The following CRYGN variants were observed in gnomAD, a reference collection of about 807,000 sequenced individuals.
CRYGN encodes gamma-crystallin N.
Under a neutral mutation model 19.2 loss-of-function variants are expected in CRYGN, and 17 were observed. The ratio of observed to expected loss-of-function variants is 0.89; its 90% confidence interval spans 0.61 to 1.33. The LOEUF (loss-of-function observed/expected upper bound fraction) is 1.33. Ranked by LOEUF, CRYGN falls within the 40% of genes most tolerant of loss-of-function variation. The pLI is 0.00. For synonymous variants in CRYGN, 84 were observed against 85.8 expected (o/e 0.98, Z 0.12); for missense variants, 239 against 239.6 (o/e 1.00, Z 0.02).
Position 151,435,207 on chromosome 7 carries a change from G to A in CRYGN, c.416+973C>T, listed in dbSNP as rs975461081. Among the ~76,000 whole-genome samples, 1 of 152,184 alleles carries A rather than the reference G, an allele frequency of 6.6e-6. No individual in the cohort carries two copies. The highest frequency in any genetic ancestry group is 2.4e-5 in the African/African-American group (1 of 41,440). On this transcript the variant is annotated intron_variant, in intron 3 of 3. Coordinates refer to ENST00000337323, the MANE Select transcript of CRYGN (RefSeq NM_144727.3). This position sits in a 1 kb window ranked among gnomAD's most constrained non-coding sequence, Gnocchi z 4.2. ...TCCTCAATTGCTTCGATAGGCGCCAGAACCATGCACAGCCAGCTGGAACCT... is the reference window on the plus strand; with the variant it reads ...TCCTCAATTGCTTCGATAGGCGCCAAAACCATGCACAGCCAGCTGGAACCT...
chr7:151,431,976 C>T lies in CRYGN; in HGVS notation c.417-1796G>A, dbSNP rs1016766528. ...GTCCCTGGGAGTCCGGGAAAGCGCCCTGGATCATCCAGCTCCTCCCAGGGC... is the reference window on the plus strand; with the variant it reads ...GTCCCTGGGAGTCCGGGAAAGCGCCTTGGATCATCCAGCTCCTCCCAGGGC... On this transcript the variant is annotated intron_variant, in intron 3 of 3. Coordinates refer to ENST00000337323, the MANE Select transcript of CRYGN (RefSeq NM_144727.3). This position sits in a 1 kb window ranked among gnomAD's most constrained non-coding sequence, Gnocchi z 4.8. The T allele has an allele frequency of 1.0e-5, 4 of 384,588 alleles. No homozygotes were observed. The highest frequency in any genetic ancestry group is 1.8e-5 in the Non-Finnish European group (4 of 218,106). The allele number at this position is 384,588 out of a possible 1,614,324, so 23.8% of individuals were successfully genotyped here. A position where few individuals can be genotyped will look rare whatever the true frequency, so the allele number is the denominator to read the frequency against.
intron 1 of CRYGN, 92 bp from the exon 2 acceptor site, chr7:151,438,336 C>G: frequency 1.5e-6 from 2 of 1,339,212 alleles, no homozygotes; most frequent in African/African-American, 1.5e-5. Flanking sequence ...CTGGATGGAA[C>G]CCCTACTCCC....
rs1801465948 is a variant in CRYGN at position 151,431,577 on chromosome 7, C to A, written c.417-1397G>T. Among the ~76,000 whole-genome samples, 1 of 152,266 alleles carries A rather than the reference C, an allele frequency of 6.6e-6. No individual in the cohort carries two copies. Among genetic ancestry groups the A allele is most frequent in the East Asian group, 1.9e-4 (1 of 5,162 alleles). The stretch of plus-strand genomic sequence containing the variant: ...CAGACACGCCCCATGCCCCTTTCTC[C>A]CCGAAAGCCCCTCCATTCCCACAGA... On this transcript the variant is annotated intron_variant, in intron 3 of 3. Transcript: ENST00000337323. This position sits in a 1 kb window ranked among gnomAD's most constrained non-coding sequence, Gnocchi z 4.8.
intron 1 of CRYGN, chr7:151,439,183 C>G (rs565586539): frequency 6.6e-6 from 1 of 152,234 alleles, no homozygotes; most frequent in African/African-American, 2.4e-5. Context: ...TGGCCACATG[C>G]GTTCACCGGA....
At chr7:151,440,233 G>A, upstream of CRYGN, 1 of 583,420 alleles carries the variant, frequency 1.7e-6, no homozygotes, top group Non-Finnish European at 2.7e-6. Flanking sequence ...GAGGGGAGGT[G>A]TCTCTCTAGC....
In CRYGN at chr7:151,430,445, C is replaced by T. The variant is rs185494653; in HGVS notation, c.417-265G>A. 1.1e-3 allele frequency among the ~76,000 whole-genome samples: 160 copies of T among 152,228 alleles called. No individual in the cohort carries two copies. Among genetic ancestry groups the T allele is most frequent in the African/African-American group, 3.6e-3 (151 of 41,536 alleles). ...GTCTTGGGTGAATTGGGTGACCCAT[C>T]GTGACTCTTTTTCCATTGCTCTCTC... On this transcript the variant is annotated intron_variant, in intron 3 of 3. Transcript: ENST00000337323. The surrounding 1 kb of genome is among the most constrained non-coding windows in gnomAD (Gnocchi z 5.2).
At chr7:151,440,405 A>G, upstream of CRYGN, 1 of 162,288 alleles carries the variant, frequency 6.2e-6, no homozygotes, top group Non-Finnish European at 1.3e-5. Flanking sequence ...ATGCAACCCA[A>G]GCTTCCCCGG....
In CRYGN at chr7:151,436,426, A is replaced by G; in HGVS notation, c.271-101T>C. ...GCAGGAAGGAATTAGGAGGTACCCA[A>G]GGCACTGGGCACCCCCACCCCACAC... On this transcript the variant is annotated intron_variant, in intron 2 of 3. Coordinates refer to ENST00000337323, the MANE Select transcript of CRYGN (RefSeq NM_144727.3). The surrounding 1 kb of genome is among the most constrained non-coding windows in gnomAD (Gnocchi z 5.1). 1.8e-6 allele frequency: 2 copies of G among 1,100,508 alleles called. No individual in the cohort carries two copies. The highest frequency in any genetic ancestry group is 2.5e-6 in the Non-Finnish European group (2 of 799,778). The allele number at this position is 1,100,508 out of a possible 1,614,324, so 68.2% of individuals were successfully genotyped here. A position where few individuals can be genotyped will look rare whatever the true frequency, so the allele number is the denominator to read the frequency against.
chr7:151,438,047 G>A lies in CRYGN; in HGVS notation c.219C>T (p.Phe73=), dbSNP rs1239080351. The A allele has an allele frequency of 6.2e-7, 1 of 1,614,026 alleles. No individual in the cohort carries two copies. The highest frequency in any genetic ancestry group is 1.1e-5 in the South Asian group (1 of 91,082). The change falls in exon 2 of 4, where the codon TTC becomes TTT. Residue 73 remains phenylalanine (F), a synonymous_variant. Coordinates refer to ENST00000337323, the MANE Select transcript of CRYGN (RefSeq NM_144727.3). ...TGTGGTCACTGTGGCTGTTCCAGCGGAAGAAGTCGGGGTAGTCGCCGTGCT... is the reference window on the plus strand; with the variant it reads ...TGTGGTCACTGTGGCTGTTCCAGCGAAAGAAGTCGGGGTAGTCGCCGTGCT... ...ILEHGDYPDF[F]RWNSHSDHMG...
chr7:151,439,958 G>C lies in CRYGN; in HGVS notation c.-41C>G. ...TTCCGCGGGTCCCCGTTTACACCGG[G>C]CAGCGCCCTGCTGGCTCAGCGCCGC... is the stretch of plus-strand genomic sequence containing the variant. On this transcript the variant is annotated 5_prime_UTR_variant, in exon 1 of 4. Coordinates refer to ENST00000337323, the MANE Select transcript of CRYGN (RefSeq NM_144727.3). 6.7e-7 allele frequency: 1 copy of C among 1,503,684 alleles called. No homozygotes were observed. The highest frequency in any genetic ancestry group is 1.3e-5 in the South Asian group (1 of 79,238). 93.1% of individuals were successfully genotyped at this position (1,503,684 alleles called of 1,614,324 possible). A position where few individuals can be genotyped will look rare whatever the true frequency, so the allele number is the denominator to read the frequency against.
At position 151,431,883 on chromosome 7, in the gene CRYGN, C is replaced by T. The variant is rs958721103; in HGVS notation, c.417-1703G>A. The stretch of plus-strand genomic sequence containing the variant: ...GGGAGTCCTGAACCGGCCTGGGTTC[C>T]GGCCCTGCCCCATCCCCATTGCTTC... On this transcript the variant is annotated intron_variant, in intron 3 of 3. Coordinates refer to ENST00000337323, the MANE Select transcript of CRYGN (RefSeq NM_144727.3). The surrounding 1 kb of genome is among the most constrained non-coding windows in gnomAD (Gnocchi z 4.8). The T allele has an allele frequency of 3.7e-5, 10 of 266,730 alleles. No homozygotes were observed. Among genetic ancestry groups the T allele is most frequent in the East Asian group, 3.7e-4 (6 of 16,302 alleles). The allele number at this position is 266,730 out of a possible 1,614,324, so 16.5% of individuals were successfully genotyped here. A position where few individuals can be genotyped will look rare whatever the true frequency, so the allele number is the denominator to read the frequency against.
At position 151,430,611 on chromosome 7, in the gene CRYGN, C is replaced by T. The variant is rs1801442007; in HGVS notation, c.417-431G>A. On this transcript the variant is annotated intron_variant, in intron 3 of 3. Coordinates refer to ENST00000337323, the MANE Select transcript of CRYGN (RefSeq NM_144727.3). This position sits in a 1 kb window ranked among gnomAD's most constrained non-coding sequence, Gnocchi z 5.2. ...CTCTCGGGAACCCTGTGTTCCCTCG[C>T]TGAGCTCCCTGCCGTACTCCATCAC... 6.6e-6 allele frequency among the ~76,000 whole-genome samples: 1 copy of T among 152,154 alleles called. No individual in the cohort carries two copies. Among genetic ancestry groups the T allele is most frequent in the Non-Finnish European group, 1.5e-5 (1 of 68,026 alleles).
chr7:151,440,148 C>G (rs866778077), upstream of CRYGN: 1 of 1,307,564 alleles, frequency 7.6e-7, no homozygotes, highest in South Asian at 2.0e-5. Flanking sequence ...GTTTAGCTCC[C>G]GAGCCTCCTT....
intron 1 of CRYGN, 51 bp from the exon 2 acceptor site, chr7:151,438,295 C>T (rs201030959): frequency 1.5e-5 from 23 of 1,550,860 alleles, no homozygotes; most frequent in African/African-American, 1.2e-4. Context: ...TCTCCGTCAG[C>T]GTTGGAGGCT....
At chr7:151,434,084 G>A (rs781008056) in intron 3 of CRYGN, among the ~76,000 whole-genome samples, 2 of 152,262 alleles carry the variant, frequency 1.3e-5, no homozygotes, top group African/African-American at 2.4e-5. Context: ...TCCTAGCAGT[G>A]TCCCCTCCGG....
intron 2 of CRYGN, chr7:151,437,746 G>T: frequency 8.5e-7 from 1 of 1,183,348 alleles, no homozygotes; most frequent in Non-Finnish European, 1.1e-6. Context: ...TAGATTTTTG[G>T]CTCCGAAACT....
rs1216878623 is a variant in CRYGN at position 151,431,255 on chromosome 7, G to A, written c.417-1075C>T. Among the ~76,000 whole-genome samples the A allele has an allele frequency of 1.3e-5, 2 of 152,172 alleles. No individual in the cohort carries two copies. The highest frequency in any genetic ancestry group is 2.4e-5 in the African/African-American group (1 of 41,434). Reference sequence around the variant, plus strand: ...TCCCCAGTGAGTTGGAAGCATAGGCGTGGGTGGGGAGGGAGTGGGGGGATG... The same window carrying A: ...TCCCCAGTGAGTTGGAAGCATAGGCATGGGTGGGGAGGGAGTGGGGGGATG... On this transcript the variant is annotated intron_variant, in intron 3 of 3. Coordinates refer to ENST00000337323, the MANE Select transcript of CRYGN (RefSeq NM_144727.3). The surrounding 1 kb of genome is among the most constrained non-coding windows in gnomAD (Gnocchi z 4.8).
intron 3 of CRYGN, among the ~76,000 whole-genome samples, chr7:151,432,681 G>A (rs1226142192): frequency 2.0e-5 from 3 of 152,198 alleles, no homozygotes; most frequent in South Asian, 4.1e-4. Context: ...GTGGGCACCT[G>A]TAATCCCAGC....
chr7:151,438,838 C>G (rs1254140793), intron 1 of CRYGN: 1 of 153,116 alleles, frequency 6.5e-6, no homozygotes, highest in Non-Finnish European at 1.5e-5. Flanking sequence ...TAGGTCACTC[C>G]TTTGGGTAGC....
Sources: allele counts gnomAD v4.1 joint callset (sites outside exome capture counted in the v4.1 genomes callset), GRCh38; gene constraint gnomAD v4.1.1; non-coding constraint Gnocchi (gnomAD v3.1); transcripts MANE v1.5; gene names NCBI Gene and HGNC (gene_info 2026-07-23, HGNC 2026-07-21).